Variants in ESR1 observed in about 807,000 individuals in gnomAD.
The protein encoded by ESR1 is estrogen receptor.
A neutral mutation model predicts 52.7 loss-of-function variants in ESR1; 12 were observed. The ratio of observed to expected loss-of-function variants is 0.23; its 90% CI spans 0.15 to 0.37. ESR1 has a LOEUF of 0.37. Among genes scored for constraint, ESR1 ranks in the 10% least tolerant of loss-of-function variants. The pLI, the probability that ESR1 is intolerant of heterozygous loss-of-function variation, is 1.00. For missense variants in ESR1, 584 were observed against 779.7 expected (o/e 0.75, Z 2.99); for synonymous variants, 305 against 316.8 (o/e 0.96, Z 0.39).
chr6:151,911,625 G>A (rs1395629756), intron 3 of ESR1, among the ~76,000 whole-genome samples: 2 of 152,168 alleles, frequency 1.3e-5, no homozygotes, highest in African/African-American at 4.8e-5. Context: ...CCCACTCACA[G>A]CTGCCTTCCT....
intron 3 of ESR1, among the ~76,000 whole-genome samples, chr6:151,933,795 T>C (rs1262267957): frequency 6.6e-6 from 1 of 152,184 alleles, no homozygotes; most frequent in Admixed American, 6.6e-5. Context: ...ATCCAATCCA[T>C]CAGCATGTCT....
At chr6:152,045,049 A>G (rs2046117464) in intron 5 of ESR1, among the ~76,000 whole-genome samples, 1 of 152,252 alleles carries the variant, frequency 6.6e-6, no homozygotes, top group Non-Finnish European at 1.5e-5. Flanking sequence ...TATAAATTAG[A>G]TAACTGCCAA....
At chr6:151,753,418 A>G (rs1385208281) in intron 2 of ESR1, among the ~76,000 whole-genome samples, 1 of 151,704 alleles carries the variant, frequency 6.6e-6, no homozygotes, top group Non-Finnish European at 1.5e-5. Flanking sequence ...CCGTGGTTCA[A>G]GCGATTCTCC....
At chr6:151,827,430 G>T (rs1053625217) in intron 1 of ESR1, among the ~76,000 whole-genome samples, 1 of 151,804 alleles carries the variant, frequency 6.6e-6, no homozygotes, top group African/African-American at 2.4e-5. Flanking sequence ...AGAGTCCTCA[G>T]GACTCTGGCT....
At chr6:151,954,628 T>C (rs2036699733) in intron 4 of ESR1, among the ~76,000 whole-genome samples, 1 of 152,228 alleles carries the variant, frequency 6.6e-6, no homozygotes, top group African/African-American at 2.4e-5. Context: ...AACATTTGAT[T>C]CCTTTTACCT....
intron 1 of ESR1, among the ~76,000 whole-genome samples, chr6:151,819,604 C>G (rs115994242): frequency 0.022 from 3,324 of 152,308 alleles, 130 homozygotes; most frequent in African/African-American, 0.076. Context: ...CATTGTGTCC[C>G]ATCACCCCCA....
At chr6:151,943,801 G>A (rs2035388886) in intron 3 of ESR1, among the ~76,000 whole-genome samples, 1 of 152,124 alleles carries the variant, frequency 6.6e-6, no homozygotes, top group Non-Finnish European at 1.5e-5. Context: ...TATAACACCT[G>A]TTACACACAC....
intron 2 of ESR1, among the ~76,000 whole-genome samples, chr6:151,755,171 C>T (rs1046286816): frequency 6.7e-6 from 1 of 150,094 alleles, no homozygotes; most frequent in Non-Finnish European, 1.5e-5. Flanking sequence ...GATTACACCA[C>T]TACATTCCAG....
intron 3 of ESR1, among the ~76,000 whole-genome samples, chr6:151,920,774 G>C (rs1049439336): frequency 1.3e-5 from 2 of 152,014 alleles, no homozygotes; most frequent in African/African-American, 2.4e-5. Flanking sequence ...TCGTATCAAG[G>C]GTACATGCCA....
rs150141961 is a variant in ESR1 at position 152,057,962 on chromosome 6, G to T, written c.1236-3029G>T. On this transcript the variant is annotated intron_variant, in intron 5 of 7. Transcript: ENST00000206249. ...CGATTGAAAAAGGACAAGAAGAAAG[G>T]AGAATTGTTAAGTCTCCACTTTCTC... Among the ~76,000 whole-genome samples the T allele has an allele frequency of 2.5e-3, 381 of 152,224 alleles. 1 individual carries two copies. Among genetic ancestry groups the T allele is most frequent in the Non-Finnish European group, 4.1e-3 (278 of 68,010 alleles).
chr6:151,909,810 G>A (rs1297755887), intron 3 of ESR1, among the ~76,000 whole-genome samples: 1 of 152,136 alleles, frequency 6.6e-6, no homozygotes, highest in African/African-American at 2.4e-5. Flanking sequence ...CAGGCCTTGG[G>A]TGTGGAAGTA....
intron 1 of ESR1, among the ~76,000 whole-genome samples, chr6:151,810,825 T>G (rs2128164658): frequency 6.6e-6 from 1 of 152,344 alleles, no homozygotes; most frequent in East Asian, 1.9e-4. Flanking sequence ...ATTAGAAAGC[T>G]AATGGCCTAA....
At chr6:151,941,017 G>GT (rs1707048866) in intron 3 of ESR1, among the ~76,000 whole-genome samples, 1 of 152,102 alleles carries the variant, frequency 6.6e-6, no homozygotes, top group Non-Finnish European at 1.5e-5. Flanking sequence ...GTAATACTAC[G>GT]TTTCGTTTTG....
chr6:151,741,318 C>A lies in ESR1; in HGVS notation c.-71+39313C>A, dbSNP rs1010445429. On this transcript the variant is annotated intron_variant, in intron 2 of 2. Coordinates refer to the ESR1 transcript ENST00000404742. ...TTTTAAAAATATAATTCATTCAGTC[C>A]TCCTCTATGCCTAAGCTTATTTCTT... is the stretch of plus-strand genomic sequence containing the variant. Among the ~76,000 whole-genome samples the A allele has an allele frequency of 3.3e-5, 5 of 152,024 alleles. No individual in the cohort carries two copies. The East Asian group carries it at 9.6e-4, about 29-fold the overall frequency.
intron 5 of ESR1, among the ~76,000 whole-genome samples, chr6:152,041,851 A>C (rs2045828521): frequency 6.6e-6 from 1 of 152,222 alleles, no homozygotes; most frequent in African/African-American, 2.4e-5. Flanking sequence ...GAATGGAGAA[A>C]AAGCCATTTG....
chr6:151,995,393 C>G (rs1486949248), intron 4 of ESR1, among the ~76,000 whole-genome samples: 2 of 152,082 alleles, frequency 1.3e-5, no homozygotes, highest in Non-Finnish European at 2.9e-5. Flanking sequence ...ATCCATCCAT[C>G]CAAGATTTAT....
At chr6:151,849,502 G>T (rs995145229) in intron 2 of ESR1, among the ~76,000 whole-genome samples, 2 of 152,072 alleles carry the variant, frequency 1.3e-5, no homozygotes, top group Non-Finnish European at 2.9e-5. Context: ...AAATTAGCCA[G>T]TTGTGATGGC....
At chr6:151,950,328 A>G (rs2036193733) in intron 4 of ESR1, among the ~76,000 whole-genome samples, 1 of 152,088 alleles carries the variant, frequency 6.6e-6, no homozygotes. Flanking sequence ...CCTGTGGGGA[A>G]TGTTGGCCTG....
intron 1 of ESR1, among the ~76,000 whole-genome samples, chr6:151,837,410 T>A (rs1200096927): frequency 6.6e-6 from 1 of 152,166 alleles, no homozygotes; most frequent in Non-Finnish European, 1.5e-5. Context: ...GACATCCCTC[T>A]TAATTATGTT....
Sources: allele counts gnomAD v4.1 joint callset (sites outside exome capture counted in the v4.1 genomes callset), GRCh38; gene constraint gnomAD v4.1.1; transcripts MANE v1.5; gene names NCBI Gene and HGNC (gene_info 2026-07-23, HGNC 2026-07-21).